The following MMS22L variants were observed in gnomAD, a reference collection of about 807,000 sequenced individuals.
MMS22L encodes the protein protein MMS22-like.
MMS22L carries 74 observed loss-of-function variants against 159.1 expected under a neutral mutation model. The observed-to-expected ratio is 0.47, with a 90% CI of 0.39 to 0.56. MMS22L has a LOEUF of 0.56. MMS22L is among the 20% of genes least tolerant of loss of function. The pLI, the probability that MMS22L is intolerant of heterozygous loss-of-function variation, is 0.00. For synonymous variants in MMS22L, 517 were observed against 506.9 expected (o/e 1.02, Z -0.27); for missense variants, 1,351 against 1,422.1 (o/e 0.95, Z 0.80).
chr6:97,196,323 A>G (rs1358373307), intron 14 of MMS22L, among the ~76,000 whole-genome samples: 1 of 152,162 alleles, frequency 6.6e-6, no homozygotes, highest in Admixed American at 6.6e-5. Flanking sequence ...TTAAAAAAAT[A>G]ATAGAGTTGC....
intron 10 of MMS22L, 122 bp from the exon 11 acceptor site, chr6:97,246,812 T>C: frequency 1.6e-6 from 1 of 613,768 alleles, no homozygotes; most frequent in Non-Finnish European, 2.8e-6. Context: ...TCAATGTGAT[T>C]TCTTGAATTT....
intron 22 of MMS22L, among the ~76,000 whole-genome samples, chr6:97,153,361 G>C (rs908858760): frequency 4.7e-5 from 6 of 128,552 alleles, no homozygotes; most frequent in Admixed American, 8.4e-5. Flanking sequence ...TGTCTCTACA[G>C]ATCTTTTTTT....
intron 14 of MMS22L, among the ~76,000 whole-genome samples, chr6:97,226,859 T>C (rs1192542759): frequency 1.3e-5 from 2 of 152,048 alleles, no homozygotes; most frequent in African/African-American, 4.8e-5. Flanking sequence ...TTGAGCACTG[T>C]AGAGTGTTTA....
At chr6:97,268,902 TACATATATAG>T (rs1347119903) in intron 7 of MMS22L, among the ~76,000 whole-genome samples, 4 of 151,946 alleles carry the variant, frequency 2.6e-5, no homozygotes, top group Non-Finnish European at 4.4e-5. Context: ...TGTAAGTATA[TACATATATAG>T]ACATATATAT....
chr6:97,155,377 A>C lies in MMS22L; in HGVS notation c.3386-3510T>G, dbSNP rs142100966. The stretch of plus-strand genomic sequence containing the variant: ...TGTGCACAACGTGCAGGTTTGTTAC[A>C]TATGTATACATGTGCCATGTTGGTT... On this transcript the variant is annotated intron_variant, in intron 22 of 24. Transcript: ENST00000683635. 5.3e-3 allele frequency among the ~76,000 whole-genome samples: 805 copies of C among 152,278 alleles called. 6 individuals carry two copies. Among genetic ancestry groups the C allele is most frequent in the African/African-American group, 0.018 (751 of 41,548 alleles).
At chr6:97,233,569 AATT>A (rs1333663119) in intron 12 of MMS22L, among the ~76,000 whole-genome samples, 1 of 152,138 alleles carries the variant, frequency 6.6e-6, no homozygotes, top group Non-Finnish European at 1.5e-5. Context: ...ATGAGCAATC[AATT>A]ATTATTAGAA....
chr6:97,231,743 A>G (rs1197440568), intron 12 of MMS22L, 91 bp from the exon 13 acceptor site: 4 of 880,540 alleles, frequency 4.5e-6, no homozygotes, highest in East Asian at 2.6e-5. Flanking sequence ...TTGGTTCATC[A>G]AAAGTCTGAC....
intron 10 of MMS22L, among the ~76,000 whole-genome samples, chr6:97,252,442 C>T (rs9387197): frequency 0.19 from 28,118 of 151,634 alleles, 3,022 homozygotes; most frequent in East Asian, 0.53. Flanking sequence ...GTCAGGAGTT[C>T]GAAACCAGCC....
At chr6:97,199,978 A>G (rs1163332728) in intron 14 of MMS22L, among the ~76,000 whole-genome samples, 1 of 152,048 alleles carries the variant, frequency 6.6e-6, no homozygotes, top group Non-Finnish European at 1.5e-5. Flanking sequence ...AAACACTTCT[A>G]AGTACAAGCT....
At chr6:97,239,165 TTTAG>T (rs1272221735) in intron 11 of MMS22L, among the ~76,000 whole-genome samples, 1 of 151,856 alleles carries the variant, frequency 6.6e-6, no homozygotes, top group Non-Finnish European at 1.5e-5. Flanking sequence ...AACACTGATT[TTTAG>T]TTAGTTATTT....
chr6:97,150,831 T>G lies in MMS22L; in HGVS notation c.3483-811A>C, dbSNP rs79569087. Reference sequence around the variant, plus strand: ...AGTGGTAAGGCAGAGATAGGAATAATAAAGGTGAACTGGAAGAAATCTTCA... The same window carrying G: ...AGTGGTAAGGCAGAGATAGGAATAAGAAAGGTGAACTGGAAGAAATCTTCA... On this transcript the variant is annotated intron_variant, in intron 23 of 24. Coordinates refer to ENST00000683635, the MANE Select transcript of MMS22L (RefSeq NM_001350599.2). Among the ~76,000 whole-genome samples the G allele has an allele frequency of 6.6e-5, 10 of 152,150 alleles. No homozygotes were observed. In the East Asian group the frequency reaches 1.9e-3, roughly 29 times the overall value.
intron 15 of MMS22L, among the ~76,000 whole-genome samples, chr6:97,182,729 A>G (rs1429614817): frequency 6.6e-6 from 1 of 152,094 alleles, no homozygotes; most frequent in Non-Finnish European, 1.5e-5. Context: ...CCCGTATACC[A>G]CTTGATCTAC....
intron 14 of MMS22L, among the ~76,000 whole-genome samples, chr6:97,213,431 A>C (rs895614787): frequency 4.9e-4 from 75 of 152,248 alleles, no homozygotes; most frequent in Non-Finnish European, 1.5e-4. Context: ...AGGTTGTAGA[A>C]ATTTCCATAG....
chr6:97,163,635 G>A (rs1802669612), intron 21 of MMS22L, among the ~76,000 whole-genome samples: 1 of 151,932 alleles, frequency 6.6e-6, no homozygotes, highest in Admixed American at 6.6e-5. Flanking sequence ...CACTGTGTTA[G>A]GTTACTACAA....
chr6:97,232,870 A>C (rs573002286), intron 12 of MMS22L, among the ~76,000 whole-genome samples: 2 of 152,242 alleles, frequency 1.3e-5, no homozygotes, highest in East Asian at 3.9e-4. Context: ...CCCCAAACCC[A>C]AAACATCCCA....
chr6:97,193,167 G>A (rs1806072268), intron 14 of MMS22L, among the ~76,000 whole-genome samples: 1 of 152,194 alleles, frequency 6.6e-6, no homozygotes, highest in Non-Finnish European at 1.5e-5. Flanking sequence ...TACTTCTGGG[G>A]AGTGCCAGGC....
chr6:97,254,300 C>G (rs1582804345), intron 10 of MMS22L: 1 of 313,710 alleles, frequency 3.2e-6, no homozygotes, highest in East Asian at 6.5e-5. Flanking sequence ...AAGTAATTTG[C>G]TCAGGGTCAC....
intron 6 of MMS22L, chr6:97,271,139 G>A (rs1379254699): frequency 6.6e-6 from 1 of 151,966 alleles, no homozygotes; most frequent in African/African-American, 2.4e-5. Context: ...ATACAAGACT[G>A]TTATAACAAA....
chr6:97,276,287 C>CT (rs1296405070), intron 4 of MMS22L, among the ~76,000 whole-genome samples: 1 of 152,016 alleles, frequency 6.6e-6, no homozygotes, highest in Non-Finnish European at 1.5e-5. Flanking sequence ...TCATTAAAAG[C>CT]TTTTTTAAGC....
Sources: gnomAD v4.1 joint callset for allele counts (sites outside exome capture counted in the v4.1 genomes callset) on GRCh38, gnomAD v4.1.1 for gene constraint, MANE v1.5 for transcripts, NCBI Gene and HGNC (gene_info 2026-07-23, HGNC 2026-07-21) for gene names.